RPAP2: variants seen among roughly 807,000 people sequenced by gnomAD.
RPAP2 encodes the protein putative RNA polymerase II subunit B1 CTD phosphatase RPAP2.
RPAP2 carries 52 observed loss-of-function variants against 73.1 expected under a neutral mutation model. The observed-to-expected ratio is 0.71, with a 90% confidence interval of 0.57 to 0.90. The LOEUF (loss-of-function observed/expected upper bound fraction) is 0.90, where lower values mean the gene tolerates loss of function less well. Ranked by LOEUF, RPAP2 falls within the 40% of genes least tolerant of loss-of-function variation. The pLI is 0.00. For missense variants in RPAP2, 598 were observed against 701.8 expected (o/e 0.85, Z 1.67); for synonymous variants, 225 against 242.1 (o/e 0.93, Z 0.65).
chr1:92,394,405 C>T lies in RPAP2; in HGVS notation c.*7394C>T, dbSNP rs1656131909. 1 of 152,106 alleles carries T rather than the reference C, an allele frequency of 6.6e-6. No individual in the cohort carries two copies. Among genetic ancestry groups the T allele is most frequent in the African/African-American group, 2.4e-5 (1 of 41,392 alleles). 9.4% of individuals were successfully genotyped at this position (152,106 alleles called of 1,614,324 possible). A position where few individuals can be genotyped will look rare whatever the true frequency, so the allele number is the denominator to read the frequency against. Reference sequence around the variant, plus strand: ...CAGGTTGGTGGGTGCAGCAAACCACCATGGCATGTGTATACCTATGTAACA... The same window carrying T: ...CAGGTTGGTGGGTGCAGCAAACCACTATGGCATGTGTATACCTATGTAACA... On this transcript the variant is annotated 3_prime_UTR_variant, in exon 13 of 13. Coordinates refer to ENST00000610020, the MANE Select transcript of RPAP2 (RefSeq NM_024813.3).
At chr1:92,370,488 T>A (rs1655103151) in intron 11 of RPAP2, among the ~76,000 whole-genome samples, 1 of 152,112 alleles carries the variant, frequency 6.6e-6, no homozygotes, top group Non-Finnish European at 1.5e-5. Flanking sequence ...AAAAGTTCCA[T>A]GAAGAAGAAA....
At chr1:92,305,567 G>T (rs1186742396) in intron 5 of RPAP2, among the ~76,000 whole-genome samples, 3 of 150,474 alleles carry the variant, frequency 2.0e-5, no homozygotes, top group Admixed American at 6.6e-5. Context: ...TAAAACTTTT[G>T]TTCATCAGAA....
intron 4 of RPAP2, 39 bp downstream of exon 4, chr1:92,304,114 AT>A (rs753749410): frequency 1.4e-6 from 2 of 1,437,090 alleles, no homozygotes; most frequent in Non-Finnish European, 1.9e-6. Flanking sequence ...GGCTTTTATT[AT>A]TTTCATTTAG....
At chr1:92,374,703 C>G (rs542008215) in intron 11 of RPAP2, among the ~76,000 whole-genome samples, 1 of 152,310 alleles carries the variant, frequency 6.6e-6, no homozygotes, top group East Asian at 1.9e-4. Context: ...TGCAAGGAGA[C>G]ACAGAGCCTC....
intron 12 of RPAP2, among the ~76,000 whole-genome samples, chr1:92,386,253 C>T (rs1420975406): frequency 2.6e-5 from 4 of 152,178 alleles, no homozygotes; most frequent in Non-Finnish European, 5.9e-5. Flanking sequence ...TATACAAGGG[C>T]ATGAATACCA....
chr1:92,370,381 A>G (rs1249545608), intron 11 of RPAP2, among the ~76,000 whole-genome samples: 1 of 152,194 alleles, frequency 6.6e-6, no homozygotes, highest in Non-Finnish European at 1.5e-5. Flanking sequence ...ATCTATAAGG[A>G]AAGATTAAAA....
At chr1:92,379,674 C>T (rs1238450635) in intron 11 of RPAP2, among the ~76,000 whole-genome samples, 1 of 152,130 alleles carries the variant, frequency 6.6e-6, no homozygotes, top group Non-Finnish European at 1.5e-5. Flanking sequence ...GTGGCTCACG[C>T]TTGTAATCCC....
intron 11 of RPAP2, among the ~76,000 whole-genome samples, chr1:92,365,930 A>G (rs913464735): frequency 2.6e-5 from 4 of 152,180 alleles, no homozygotes; most frequent in South Asian, 2.1e-4. Flanking sequence ...TTGAGCCTCA[A>G]CATTTCCTGC....
At position 92,336,412 on chromosome 1, in the gene RPAP2, T is replaced by G; in HGVS notation, c.1604T>G (p.Leu535Arg). 6.2e-7 allele frequency: 1 copy of G among 1,603,486 alleles called. No individual in the cohort carries two copies. The highest frequency in any genetic ancestry group is 8.5e-7 in the Non-Finnish European group (1 of 1,171,060). Reference protein sequence around the residue: ...LGDIYTQLKNLVRTFRLTNRN... With the variant: ...LGDIYTQLKNRVRTFRLTNRN... Reference sequence around the variant, plus strand: ...GATATTTACACACAACTTAAAAATCTTGTTCGAACTTTCAGGTTAGTGTTT... The same window carrying G: ...GATATTTACACACAACTTAAAAATCGTGTTCGAACTTTCAGGTTAGTGTTT... The change falls in exon 10 of 13, where the codon CTT (leucine) becomes CGT (arginine). Residue 535 changes from leucine (L) to arginine (R), a missense_variant. Physicochemically the swap from Leu to Arg is moderately radical, Grantham distance 102 (BLOSUM62 -2). This residue lies in a region of RPAP2 where 506 missense variants were observed against 612.8 expected (regional missense o/e 0.83). Coordinates refer to ENST00000610020, the MANE Select transcript of RPAP2 (RefSeq NM_024813.3).
chr1:92,328,142 T>A (rs1395458404), intron 8 of RPAP2, among the ~76,000 whole-genome samples: 1 of 152,228 alleles, frequency 6.6e-6, no homozygotes, highest in South Asian at 2.1e-4. Flanking sequence ...GGGGCAATGA[T>A]CTTTTTATGA....
intron 8 of RPAP2, among the ~76,000 whole-genome samples, chr1:92,329,127 G>A (rs189409481): frequency 1.3e-3 from 199 of 152,266 alleles, no homozygotes; most frequent in Non-Finnish European, 2.1e-3. Flanking sequence ...CAGCCAGGAG[G>A]TGGTGCTTTC....
At chr1:92,341,450 G>A (rs1490147008) in intron 10 of RPAP2, among the ~76,000 whole-genome samples, 1 of 152,124 alleles carries the variant, frequency 6.6e-6, no homozygotes, top group Non-Finnish European at 1.5e-5. Context: ...TATGAAAACA[G>A]GTGAAATTTT....
At position 92,397,955 on chromosome 1, in the gene RPAP2, G is replaced by A; in HGVS notation, c.*10944G>A. The A allele has an allele frequency of 6.5e-6, 1 of 153,596 alleles. No individual in the cohort carries two copies. The highest frequency in any genetic ancestry group is 1.4e-5 in the Non-Finnish European group (1 of 69,216). 9.5% of individuals were successfully genotyped at this position (153,596 alleles called of 1,614,324 possible). On this transcript the variant is annotated 3_prime_UTR_variant, in exon 13 of 13. Coordinates refer to ENST00000610020, the MANE Select transcript of RPAP2 (RefSeq NM_024813.3). Reference sequence around the variant, plus strand: ...GAGGATGACTTGAGCCCAGGAGTTTGAGACCAGCCTGGGCAACATAGGGAG... The same window carrying A: ...GAGGATGACTTGAGCCCAGGAGTTTAAGACCAGCCTGGGCAACATAGGGAG...
At position 92,324,377 on chromosome 1, in the gene RPAP2, T is replaced by G; in HGVS notation, c.1455+2T>G. 1 of 1,606,950 alleles carries G rather than the reference T, an allele frequency of 6.2e-7. No individual in the cohort carries two copies. Among genetic ancestry groups the G allele is most frequent in the Non-Finnish European group, 8.5e-7 (1 of 1,175,216 alleles). On this transcript the variant is annotated splice_donor_variant, in intron 8 of 12. Coordinates refer to ENST00000610020, the MANE Select transcript of RPAP2 (RefSeq NM_024813.3). LOFTEE classifies it high-confidence loss of function. The stretch of plus-strand genomic sequence containing the variant: ...ACCAAATCACAAGACTCAGAAGAGG[T>G]ATGTCTTACAGACATTGAGTTTTTC...
chr1:92,323,846 T>G lies in RPAP2; in HGVS notation c.926T>G (p.Leu309Ter), dbSNP rs1557601289. ...SSSNSTLPER[L>*]KASENSESEY... The stretch of plus-strand genomic sequence containing the variant: ...TCAAATAGCACTTTGCCTGAAAGAT[T>G]AAAAGCGTCAGAAAATTCTGAAAGT... The change falls in exon 8 of 13, where the codon TTA becomes TGA. Residue 309 changes from leucine to a stop codon, truncating the protein, a stop_gained. Coordinates refer to ENST00000610020, the MANE Select transcript of RPAP2 (RefSeq NM_024813.3). LOFTEE classifies it high-confidence loss of function. 1.9e-6 allele frequency: 3 copies of G among 1,613,974 alleles called. No individual in the cohort carries two copies. The highest frequency in any genetic ancestry group is 1.3e-5 in the African/African-American group (1 of 75,004).
intron 6 of RPAP2, 84 bp from the exon 7 acceptor site, chr1:92,320,515 C>T: frequency 1.9e-6 from 2 of 1,071,358 alleles, no homozygotes; most frequent in East Asian, 2.4e-5. Context: ...TCGAGATCCG[C>T]CTGCCCAGCC....
chr1:92,345,400 A>AAGAG (rs1180516669), intron 10 of RPAP2, among the ~76,000 whole-genome samples: 1 of 138,276 alleles, frequency 7.2e-6, no homozygotes, highest in African/African-American at 2.7e-5. Context: ...AAAAAAAAAA[A>AAGAG]AGAGAGAGAG....
chr1:92,363,180 CTT>C (rs969647169), intron 11 of RPAP2, among the ~76,000 whole-genome samples: 1 of 152,160 alleles, frequency 6.6e-6, no homozygotes, highest in Non-Finnish European at 1.5e-5. Flanking sequence ...GTTGGCTTCT[CTT>C]TTGAGGAACC....
chr1:92,365,931 C>T (rs1188103978), intron 11 of RPAP2, among the ~76,000 whole-genome samples: 1 of 152,098 alleles, frequency 6.6e-6, no homozygotes, highest in South Asian at 2.1e-4. Flanking sequence ...TGAGCCTCAA[C>T]ATTTCCTGCA....
Sources: gnomAD v4.1 joint callset for allele counts (sites outside exome capture counted in the v4.1 genomes callset) on GRCh38, gnomAD v4.1.1 for gene constraint, gnomAD v4.1.1 regional missense constraint, MANE v1.5 for transcripts, NCBI Gene and HGNC (gene_info 2026-07-23, HGNC 2026-07-21) for gene names.